The following EFNB2 variants were observed in gnomAD, a reference collection of about 807,000 sequenced individuals.
EFNB2 encodes ephrin B2.
Under a neutral mutation model 32.1 loss-of-function variants are expected in EFNB2, and 5 were observed. That is an observed-to-expected ratio of 0.16 (90% CI 0.08 to 0.33). The LOEUF (loss-of-function observed/expected upper bound fraction) is 0.33. EFNB2 is among the 10% of genes least tolerant of loss of function. The pLI, the probability that EFNB2 is intolerant of heterozygous loss-of-function variation, is 1.00. For synonymous variants in EFNB2, 168 were observed against 166.5 expected (o/e 1.01, Z -0.07); for missense variants, 263 against 422.6 (o/e 0.62, Z 3.31).
At chr13:106,517,532 G>A (rs542894280) in intron 1 of EFNB2, 28 of 152,344 alleles carry the variant, frequency 1.8e-4, no homozygotes, top group African/African-American at 6.5e-4. Flanking sequence ...GGGAGGGGAA[G>A]GCTGCCTCTT....
intron 3 of EFNB2, 22 bp downstream of exon 3, chr13:106,495,726 T>C: frequency 6.2e-7 from 1 of 1,611,830 alleles, no homozygotes; most frequent in Non-Finnish European, 8.5e-7. Flanking sequence ...AGTGGCGTCA[T>C]GAAGCAGCAG....
Position 106,493,235 on chromosome 13 carries a change from G to A in EFNB2, c.807C>T (p.Leu269=), listed in dbSNP as rs1213558821. 4 of 1,614,096 alleles carry A rather than the reference G, an allele frequency of 2.5e-6. No individual in the cohort carries two copies. In the African/African-American group the frequency reaches 4.0e-5, roughly 16 times the overall value. ...TGCGCTTGGGTGTGGCCAGTGTGCT[G>A]AGCGACAGCGTGGTCGTGTGCTGCG... ...HSPQHTTTLS[L]STLATPKRSG... Residue 269 remains leucine (L), a synonymous_variant, in exon 5 of 5, where the codon CTC becomes CTT. Coordinates refer to ENST00000646441, the MANE Select transcript of EFNB2 (RefSeq NM_004093.4). The surrounding 1 kb of genome is among the most constrained non-coding windows in gnomAD (Gnocchi z 6.1).
rs778447773 is a variant in EFNB2, at chr13:106,492,930, C to T, written c.*110G>A. On this transcript the variant is annotated 3_prime_UTR_variant, in exon 5 of 5. Transcript: ENST00000646441. The surrounding 1 kb of genome is among the most constrained non-coding windows in gnomAD (Gnocchi z 5.1). ...TCCGAGGAGGAGTGTCCCTCTCCCC[C>T]GGTGCTGTGCTTCAGTCAATTCTCC... 80 of 1,404,220 alleles carry T rather than the reference C, an allele frequency of 5.7e-5. No individual in the cohort carries two copies. Among genetic ancestry groups the T allele is most frequent in the Middle Eastern group, 5.2e-4 (2 of 3,832 alleles). 87.0% of individuals were successfully genotyped at this position (1,404,220 alleles called of 1,614,324 possible).
At chr13:106,529,701 A>G (rs79032989) in intron 1 of EFNB2, among the ~76,000 whole-genome samples, 3 of 152,216 alleles carry the variant, frequency 2.0e-5, no homozygotes, top group South Asian at 4.1e-4. Flanking sequence ...ATCTGCCTTT[A>G]CATCTTATGA....
chr13:106,495,188 G>A (rs1257765447), intron 3 of EFNB2, among the ~76,000 whole-genome samples, 194 bp from the exon 4 acceptor site: 2 of 152,194 alleles, frequency 1.3e-5, no homozygotes, highest in African/African-American at 2.4e-5. Context: ...GGTTTAGAAC[G>A]TGAGGCCATC....
chr13:106,503,537 G>A (rs1878852535), intron 2 of EFNB2, among the ~76,000 whole-genome samples: 1 of 152,160 alleles, frequency 6.6e-6, no homozygotes, highest in African/African-American at 2.4e-5. Flanking sequence ...GGCCGTACAG[G>A]GACTCGAGGT....
chr13:106,511,652 T>G (rs1277017868), intron 2 of EFNB2, among the ~76,000 whole-genome samples: 1 of 152,220 alleles, frequency 6.6e-6, no homozygotes, highest in Non-Finnish European at 1.5e-5. Flanking sequence ...ACCAAGCCAC[T>G]GGAAAATTCA....
intron 1 of EFNB2, among the ~76,000 whole-genome samples, chr13:106,528,816 G>A (rs138620908): frequency 2.0e-5 from 3 of 152,252 alleles, no homozygotes; most frequent in African/African-American, 4.8e-5. Flanking sequence ...GAGAGAGGGC[G>A]GGAAGACTCA....
intron 2 of EFNB2, among the ~76,000 whole-genome samples, chr13:106,510,807 A>T (rs1456168141): frequency 3.3e-5 from 5 of 152,150 alleles, no homozygotes; most frequent in Non-Finnish European, 7.3e-5. Context: ...AGGTCAAGAG[A>T]TCCAGATGAT....
rs756029444 is a variant in EFNB2 at position 106,494,934 on chromosome 13, G to C, written c.560C>G (p.Ala187Gly). ...TGTCGAACTTCTTCCATTTGTACCAGCTTCTAGTTCTGGACGTCTTGTTGG... is the reference window on the plus strand; with the variant it reads ...TGTCGAACTTCTTCCATTTGTACCACCTTCTAGTTCTGGACGTCTTGTTGG... ...KDPTRRPELE[A>G]GTNGRSSTTS... Residue 187 changes from alanine (A) to glycine (G), a missense_variant, in exon 4 of 5, where the codon GCT becomes GGT. By Grantham distance (60) the Ala-to-Gly change is moderately conservative (BLOSUM62 0). Around this residue, in one of 3 missense-constraint regions of EFNB2, gnomAD observed 172 missense variants for 237.1 expected, o/e 0.73. Transcript: ENST00000646441. The C allele has an allele frequency of 1.9e-6, 3 of 1,614,140 alleles. No individual in the cohort carries two copies. Among genetic ancestry groups the C allele is most frequent in the South Asian group, 2.2e-5 (2 of 91,084 alleles).
chr13:106,528,661 G>A (rs927510802), intron 1 of EFNB2, among the ~76,000 whole-genome samples: 2 of 152,138 alleles, frequency 1.3e-5, no homozygotes, highest in Non-Finnish European at 2.9e-5. Flanking sequence ...AATCGAGCAA[G>A]TATTTCCTTC....
intron 1 of EFNB2, among the ~76,000 whole-genome samples, chr13:106,526,427 T>C (rs1879702519): frequency 1.3e-5 from 2 of 152,276 alleles, no homozygotes; most frequent in South Asian, 4.1e-4. Context: ...TATGGTTCTT[T>C]CTAAGTACAT....
intron 2 of EFNB2, chr13:106,506,543 A>C (rs1287637577): frequency 6.6e-6 from 1 of 152,236 alleles, no homozygotes; most frequent in East Asian, 1.9e-4. Context: ...CACTGAAAGA[A>C]GACAAAGAGA....
At chr13:106,514,915 C>G (rs745657666) in intron 1 of EFNB2, among the ~76,000 whole-genome samples, 8 of 152,158 alleles carry the variant, frequency 5.3e-5, no homozygotes, top group Non-Finnish European at 1.2e-4. Context: ...TGCATTACAC[C>G]CCCTCCCAAG....
In EFNB2 at chr13:106,490,343, C is replaced by A. The variant is rs1365388979; in HGVS notation, c.*2697G>T. The A allele has an allele frequency of 1.3e-5, 2 of 152,174 alleles. No homozygotes were observed. The highest frequency in any genetic ancestry group is 3.9e-4 in the East Asian group (2 of 5,188). The allele number at this position is 152,174 out of a possible 1,614,324, so 9.4% of individuals were successfully genotyped here. The stretch of plus-strand genomic sequence containing the variant: ...CCAAAGTCGGGTGACCAGGGACGAT[C>A]ATACAAGCAAGGCATTTACAGTAAC... On this transcript the variant is annotated 3_prime_UTR_variant, in exon 5 of 5. Coordinates refer to ENST00000646441, the MANE Select transcript of EFNB2 (RefSeq NM_004093.4).
chr13:106,505,226 TCTG>T (rs1244348919), intron 2 of EFNB2, among the ~76,000 whole-genome samples: 1 of 152,248 alleles, frequency 6.6e-6, no homozygotes, highest in African/African-American at 2.4e-5. Context: ...GTACGTATAC[TCTG>T]CTGTCTCTAC....
intron 2 of EFNB2, among the ~76,000 whole-genome samples, chr13:106,505,736 C>A (rs1478400785): frequency 3.3e-5 from 5 of 152,156 alleles, no homozygotes; most frequent in Admixed American, 3.3e-4. Context: ...AGGTCTCTAG[C>A]ATTGTCCAAT....
chr13:106,500,536 C>T (rs1050377883), intron 2 of EFNB2, among the ~76,000 whole-genome samples: 2 of 152,146 alleles, frequency 1.3e-5, no homozygotes, highest in East Asian at 1.9e-4. Flanking sequence ...GTATCAACTC[C>T]GTTGAAGAAG....
intron 2 of EFNB2, chr13:106,506,371 T>C (rs1402442385): frequency 6.6e-6 from 1 of 152,138 alleles, no homozygotes; most frequent in African/African-American, 2.4e-5. Context: ...AACATGGAAA[T>C]TGGGAAAAAT....
Sources: allele counts gnomAD v4.1 joint callset (sites outside exome capture counted in the v4.1 genomes callset), GRCh38; gene constraint gnomAD v4.1.1; regional missense constraint gnomAD v4.1.1; non-coding constraint Gnocchi (gnomAD v3.1); transcripts MANE v1.5; gene names NCBI Gene and HGNC (gene_info 2026-07-23, HGNC 2026-07-21).